Variants in COP1 observed in about 807,000 individuals in gnomAD.
The protein encoded by COP1 is COP1 E3 ubiquitin ligase.
In COP1, 24 loss-of-function variants were observed where a neutral mutation model predicts 101.3. The ratio of observed to expected loss-of-function variants is 0.24; its 90% confidence interval spans 0.17 to 0.33. COP1 has a LOEUF of 0.33. Ranked by LOEUF, COP1 falls within the 10% of genes least tolerant of loss-of-function variation. COP1 has a pLI of 1.00. For missense variants in COP1, 663 were observed against 906.2 expected, an observed-to-expected ratio of 0.73 and a Z score of 3.45; for synonymous variants, 347 against 341.9, an observed-to-expected ratio of 1.01 and a Z score of -0.17.
At chr1:176,083,769 T>C (rs1472370703) in intron 10 of COP1, among the ~76,000 whole-genome samples, 1 of 152,182 alleles carries the variant, frequency 6.6e-6, no homozygotes, top group African/African-American at 2.4e-5. Flanking sequence ...ACCTCTTAGG[T>C]ACACCGTTTC....
At chr1:175,950,729 T>C (rs1185279514) in intron 18 of COP1, among the ~76,000 whole-genome samples, 1 of 152,228 alleles carries the variant, frequency 6.6e-6, no homozygotes, top group Non-Finnish European at 1.5e-5. Flanking sequence ...CAATATTTTT[T>C]TCTGACTATG....
At chr1:175,971,425 A>C (rs1349459053) in intron 18 of COP1, among the ~76,000 whole-genome samples, 1 of 152,168 alleles carries the variant, frequency 6.6e-6, no homozygotes, top group African/African-American at 2.4e-5. Flanking sequence ...TCAAAAACTG[A>C]TATTTTATAG....
intron 3 of COP1, among the ~76,000 whole-genome samples, chr1:176,173,282 G>C (rs1572676874): frequency 7.2e-6 from 1 of 138,942 alleles, no homozygotes; most frequent in East Asian, 2.3e-4. Context: ...TTGCACTCCA[G>C]CCTGGGTGAC....
chr1:176,161,638 C>CTTATATATA (rs1173457550), intron 5 of COP1, among the ~76,000 whole-genome samples: 4 of 151,990 alleles, frequency 2.6e-5, no homozygotes, highest in Non-Finnish European at 5.9e-5. Flanking sequence ...TTACTTATCA[C>CTTATATATA]CATGTGAAAA....
At chr1:176,003,183 T>C (rs565279564) in intron 15 of COP1, among the ~76,000 whole-genome samples, 6 of 151,466 alleles carry the variant, frequency 4.0e-5, no homozygotes, top group East Asian at 1.9e-4. Context: ...TCATGTCCTT[T>C]GCCCACTTTT....
chr1:175,963,355 G>C (rs527552486), intron 18 of COP1, among the ~76,000 whole-genome samples: 1 of 152,058 alleles, frequency 6.6e-6, no homozygotes, highest in African/African-American at 2.4e-5. Flanking sequence ...CACTTTATTA[G>C]AAGTTTCTTA....
intron 18 of COP1, among the ~76,000 whole-genome samples, chr1:175,983,402 T>C (rs1402109174): frequency 1.3e-5 from 2 of 152,224 alleles, no homozygotes; most frequent in Non-Finnish European, 2.9e-5. Flanking sequence ...TTCTCTTTTC[T>C]GCTGTCATGT....
chr1:176,025,135 A>C (rs1274134280), intron 15 of COP1, among the ~76,000 whole-genome samples: 1 of 152,180 alleles, frequency 6.6e-6, no homozygotes, highest in Non-Finnish European at 1.5e-5. Context: ...TTTGCTTCTA[A>C]TTAAGAAACA....
chr1:176,197,143 C>A (rs1021960572), intron 1 of COP1, among the ~76,000 whole-genome samples: 2 of 152,064 alleles, frequency 1.3e-5, no homozygotes, highest in Admixed American at 6.6e-5. Flanking sequence ...CCAATACAAC[C>A]AGTATTCTTC....
At chr1:176,096,549 T>C (rs1682421222) in intron 9 of COP1, among the ~76,000 whole-genome samples, 1 of 152,242 alleles carries the variant, frequency 6.6e-6, no homozygotes, top group Admixed American at 6.5e-5. Context: ...CTACCATTGG[T>C]CTGAGCCAGG....
chr1:176,093,170 T>C (rs1681648702), intron 9 of COP1, among the ~76,000 whole-genome samples: 1 of 152,174 alleles, frequency 6.6e-6, no homozygotes, highest in Admixed American at 6.5e-5. Context: ...TTGATAAACA[T>C]AAATATCAGA....
At chr1:176,154,375 C>T (rs1346192586) in intron 5 of COP1, among the ~76,000 whole-genome samples, 1 of 152,032 alleles carries the variant, frequency 6.6e-6, no homozygotes, top group Non-Finnish European at 1.5e-5. Flanking sequence ...ATAGCAAAGA[C>T]ATGGAATCAA....
At chr1:176,033,940 C>G (rs372904962) in intron 14 of COP1, among the ~76,000 whole-genome samples, 94 of 152,128 alleles carry the variant, frequency 6.2e-4, no homozygotes, top group African/African-American at 2.2e-3. Flanking sequence ...TTTATATGAT[C>G]GCCAAACAGA....
chr1:175,955,766 C>CACACACACACACACA (rs1553275347), intron 18 of COP1, among the ~76,000 whole-genome samples: 1 of 129,192 alleles, frequency 7.7e-6, no homozygotes, highest in African/African-American at 2.8e-5. Flanking sequence ...TAGAGACAAA[C>CACACACACACACACA]CACACACACA....
chr1:176,091,358 A>C (rs7413003), intron 9 of COP1, among the ~76,000 whole-genome samples: 1,076 of 77,502 alleles, frequency 0.014, 8 homozygotes, highest in African/African-American at 0.031. Context: ...AAAAAAAAAA[A>C]CAAAAAAAAA....
At chr1:176,015,619 A>C (rs1477067130) in intron 15 of COP1, among the ~76,000 whole-genome samples, 2 of 152,220 alleles carry the variant, frequency 1.3e-5, no homozygotes, top group African/African-American at 2.4e-5. Flanking sequence ...TTTGAAGTTA[A>C]GCTGCCTGGT....
At chr1:175,975,187 T>C (rs911889149) in intron 18 of COP1, among the ~76,000 whole-genome samples, 4 of 152,148 alleles carry the variant, frequency 2.6e-5, no homozygotes, top group Admixed American at 1.3e-4. Flanking sequence ...TAAAAGCTTC[T>C]AAGTTACCTA....
chr1:175,999,913 G>C (rs1364511645), intron 15 of COP1, among the ~76,000 whole-genome samples: 1 of 152,040 alleles, frequency 6.6e-6, no homozygotes, highest in Non-Finnish European at 1.5e-5. Context: ...CTTCTTTTGA[G>C]AAATGTCTAT....
chr1:176,019,615 C>T (rs1571717971), intron 15 of COP1, among the ~76,000 whole-genome samples: 1 of 151,306 alleles, frequency 6.6e-6, no homozygotes, highest in South Asian at 2.1e-4. Context: ...AATCCCAGGA[C>T]CATGGGAAGC....
Sources: gnomAD v4.1 joint callset for allele counts (sites outside exome capture counted in the v4.1 genomes callset) on GRCh38, gnomAD v4.1.1 for gene constraint, MANE v1.5 for transcripts, NCBI Gene and HGNC (gene_info 2026-07-23, HGNC 2026-07-21) for gene names.